The following SMC3 variants were observed in gnomAD, a reference collection of about 807,000 sequenced individuals.
SMC3 encodes the protein structural maintenance of chromosomes protein 3.
SMC3 carries 20 observed loss-of-function variants against 171.8 expected under a neutral mutation model. That is an observed-to-expected ratio of 0.12 (90% CI 0.08 to 0.17). SMC3 has a LOEUF of 0.17. Among genes scored for constraint, SMC3 ranks in the 10% least tolerant of loss-of-function variants. SMC3 has a pLI of 1.00. For synonymous variants in SMC3, 464 were observed against 451.1 expected (o/e 1.03, Z -0.36); for missense variants, 543 against 1,420.4 (o/e 0.38, Z 9.93).
In SMC3 at chr10:110,577,427, A is replaced by G. The variant is rs2134718741; in HGVS notation, c.205A>G (p.Thr69Ala). ...EQRLALLHEG[T>A]GPRVISAFVE... ...TCACTTCTTTCATTTTTAGGAAGGTACTGGTCCTCGTGTTATTTCTGCTTT... is the reference window on the plus strand; with the variant it reads ...TCACTTCTTTCATTTTTAGGAAGGTGCTGGTCCTCGTGTTATTTCTGCTTT... The change falls in exon 5 of 29, where the codon ACT (threonine) becomes GCT (alanine). Residue 69 changes from threonine (T) to alanine (A), a missense_variant. Coordinates refer to ENST00000361804, the MANE Select transcript of SMC3 (RefSeq NM_005445.4). The G allele has an allele frequency of 1.2e-6, 2 of 1,611,478 alleles. No individual in the cohort carries two copies. Among genetic ancestry groups the G allele is most frequent in the East Asian group, 2.2e-5 (1 of 44,740 alleles).
chr10:110,579,676 C>T (rs1861002959), intron 7 of SMC3, among the ~76,000 whole-genome samples: 2 of 152,108 alleles, frequency 1.3e-5, no homozygotes, highest in African/African-American at 2.4e-5. Context: ...GCTTTGTTTG[C>T]TCTTTTCCAG....
intron 22 of SMC3, 144 bp from the exon 23 acceptor site, chr10:110,600,878 T>A: frequency 1.5e-6 from 1 of 655,102 alleles, no homozygotes; most frequent in South Asian, 2.0e-5. Flanking sequence ...TTTTCTTCCC[T>A]TTAATGGATA....
At chr10:110,598,407 A>G (rs1861333228) in intron 20 of SMC3, 117 bp downstream of exon 20, 2 of 1,173,550 alleles carry the variant, frequency 1.7e-6, no homozygotes, top group African/African-American at 1.6e-5. Context: ...GTTTGGACCC[A>G]TACTTTTTTT....
intron 3 of SMC3, among the ~76,000 whole-genome samples, 192 bp from the exon 4 acceptor site, chr10:110,575,144 T>G (rs1860928448): frequency 6.6e-6 from 1 of 152,206 alleles, no homozygotes; most frequent in Non-Finnish European, 1.5e-5. Context: ...AGTATTTTTC[T>G]TATATCATTT....
rs1434027144 is a variant in SMC3 at position 110,567,728 on chromosome 10, G to C, written c.-89G>C. 14 of 1,509,670 alleles carry C rather than the reference G, an allele frequency of 9.3e-6. No individual in the cohort carries two copies. In the East Asian group the frequency reaches 3.2e-4, roughly 34 times the overall value. 93.5% of individuals were successfully genotyped at this position (1,509,670 alleles called of 1,614,324 possible). The stretch of plus-strand genomic sequence containing the variant: ...GAGGGGAGCGAGCGGCGCTTTGGGG[G>C]AGGGGTCGCGTAGGCGCCTCACCTG... On this transcript the variant is annotated 5_prime_UTR_variant, in exon 1 of 29. Coordinates refer to ENST00000361804, the MANE Select transcript of SMC3 (RefSeq NM_005445.4).
intron 3 of SMC3, 45 bp downstream of exon 3, chr10:110,573,790 T>C (rs1157755120): frequency 8.3e-7 from 1 of 1,203,636 alleles, no homozygotes; most frequent in East Asian, 2.3e-5. Context: ...GACCTGGGTA[T>C]CTTAGGGTAG....
At chr10:110,595,432 G>A (rs1861284069) in intron 18 of SMC3, among the ~76,000 whole-genome samples, 1 of 152,152 alleles carries the variant, frequency 6.6e-6, no homozygotes, top group South Asian at 2.1e-4. Flanking sequence ...TGTACTTATG[G>A]TGTCATATAA....
intron 13 of SMC3, among the ~76,000 whole-genome samples, chr10:110,587,394 G>GT (rs530710153): frequency 3.3e-3 from 500 of 152,264 alleles, no homozygotes; most frequent in Non-Finnish European, 5.2e-3. Context: ...AAGAAATACT[G>GT]TAAGCTGCCA....
chr10:110,590,878 A>G (rs928381194), intron 16 of SMC3, 113 bp from the exon 17 acceptor site: 79 of 937,462 alleles, frequency 8.4e-5, no homozygotes, highest in Admixed American at 6.1e-5. Flanking sequence ...TTAAAAGTGC[A>G]CACCTTTAGT....
intron 18 of SMC3, among the ~76,000 whole-genome samples, chr10:110,595,200 G>A (rs967118884): frequency 6.6e-6 from 1 of 151,824 alleles, no homozygotes; most frequent in Non-Finnish European, 1.5e-5. Context: ...GGCTGGTCTC[G>A]AACTCCTGAC....
chr10:110,593,067 T>C lies in SMC3; in HGVS notation c.1813-6T>C. On this transcript the variant is annotated splice_polypyrimidine_tract_variant and splice_region_variant and intron_variant, in intron 17 of 28. Coordinates refer to ENST00000361804, the MANE Select transcript of SMC3 (RefSeq NM_005445.4). ...GATCTCTCTGTTGACAAAATTTCAT[T>C]TTTAGGATGCTATTCCTATGATCAG... 2 of 1,612,598 alleles carry C rather than the reference T, an allele frequency of 1.2e-6. No individual in the cohort carries two copies. Among genetic ancestry groups the C allele is most frequent in the South Asian group, 1.1e-5 (1 of 91,026 alleles).
intron 19 of SMC3, 49 bp downstream of exon 19, chr10:110,596,599 G>A (rs1473702866): frequency 8.3e-6 from 13 of 1,565,546 alleles, no homozygotes; most frequent in African/African-American, 2.7e-5. Flanking sequence ...GGGAAGAACT[G>A]TGTTTTGGTT....
rs59010687 is a variant in SMC3 at position 110,582,931 on chromosome 10, G to GTTTT, written c.804+302_804+305dup. ...GGTCCTTCTGCCTCAGCCTCCTGAA[G>GTTTT]TTTTTTTTTTTTTTTTGGAAGACAG... is the stretch of plus-strand genomic sequence containing the variant. On this transcript the variant is annotated intron_variant, in intron 10 of 28. Transcript: ENST00000361804. 6.1e-3 allele frequency among the ~76,000 whole-genome samples: 835 copies of GTTTT among 136,228 alleles called. 9 individuals carry two copies. Among genetic ancestry groups the GTTTT allele is most frequent in the Admixed American group, 9.0e-3 (123 of 13,622 alleles). 89.4% of individuals were successfully genotyped at this position (136,228 alleles called of 152,430 possible).
intron 13 of SMC3, among the ~76,000 whole-genome samples, chr10:110,587,918 G>A (rs991501730): frequency 6.6e-6 from 1 of 152,304 alleles, no homozygotes; most frequent in South Asian, 2.1e-4. Context: ...TATGGTTTCA[G>A]ATACCACTGA....
intron 23 of SMC3, among the ~76,000 whole-genome samples, chr10:110,601,369 A>G (rs1485956264): frequency 6.6e-6 from 1 of 152,216 alleles, no homozygotes; most frequent in African/African-American, 2.4e-5. Context: ...AATATGAAAT[A>G]CCTGACGAAA....
In SMC3 at chr10:110,580,892, TA is replaced by T; in HGVS notation, c.430-7del. The T allele has an allele frequency of 6.9e-7, 1 of 1,454,384 alleles. No homozygotes were observed. Among genetic ancestry groups the T allele is most frequent in the Non-Finnish European group, 9.7e-7 (1 of 1,034,148 alleles). The allele number at this position is 1,454,384 out of a possible 1,614,324, so 90.1% of individuals were successfully genotyped here. ...TACAGCTATGTAATGATTATTTTTC[TA>T]AAAATTTTAGATCAACCAGATGGCA... On this transcript the variant is annotated splice_polypyrimidine_tract_variant and intron_variant, in intron 7 of 28. Coordinates refer to ENST00000361804, the MANE Select transcript of SMC3 (RefSeq NM_005445.4).
chr10:110,599,215 G>T (rs563004929), intron 20 of SMC3, among the ~76,000 whole-genome samples: 11 of 151,944 alleles, frequency 7.2e-5, no homozygotes, highest in African/African-American at 2.7e-4. Context: ...CTCCTGCCTC[G>T]GCCTCCAGAG....
In SMC3 at chr10:110,602,808, A is replaced by C; in HGVS notation, c.3298-17A>C. 6.2e-7 allele frequency: 1 copy of C among 1,611,458 alleles called. No individual in the cohort carries two copies. Among genetic ancestry groups the C allele is most frequent in the Non-Finnish European group, 8.5e-7 (1 of 1,177,692 alleles). On this transcript the variant is annotated splice_polypyrimidine_tract_variant and intron_variant, in intron 26 of 28. Transcript: ENST00000361804. ...TCTGCCCTTTAGGATATTAACTCATAATATGTTTATTTTTAGGTGTCATTT... is the reference window on the plus strand; with the variant it reads ...TCTGCCCTTTAGGATATTAACTCATCATATGTTTATTTTTAGGTGTCATTT...
At chr10:110,604,120 A>G (rs887318322) in intron 28 of SMC3, 111 bp from the exon 29 acceptor site, 2 of 595,756 alleles carry the variant, frequency 3.4e-6, no homozygotes, top group Admixed American at 3.0e-5. Context: ...AAAAAAAACT[A>G]AAAATTAAAA....
Sources: allele counts gnomAD v4.1 joint callset (sites outside exome capture counted in the v4.1 genomes callset), GRCh38; gene constraint gnomAD v4.1.1; transcripts MANE v1.5; gene names NCBI Gene and HGNC (gene_info 2026-07-23, HGNC 2026-07-21).